The following RBMS3 variants were observed in gnomAD, a reference collection of about 807,000 sequenced individuals.
RBMS3 encodes RNA binding motif single stranded interacting protein 3.
In RBMS3, 27 loss-of-function variants were observed where a neutral mutation model predicts 66.8. The ratio of observed to expected loss-of-function variants is 0.40; its 90% CI spans 0.30 to 0.56. The LOEUF is 0.56. Among genes scored for constraint, RBMS3 ranks in the 20% least tolerant of loss-of-function variants. RBMS3 has a pLI of 0.40. For synonymous variants in RBMS3, 188 were observed against 183.0 expected (o/e 1.03, Z -0.22); for missense variants, 513 against 549.5 (o/e 0.93, Z 0.66).
intron 6 of RBMS3, among the ~76,000 whole-genome samples, chr3:29,798,153 A>G (rs2057261238): frequency 6.6e-6 from 1 of 151,430 alleles, no homozygotes; most frequent in Non-Finnish European, 1.5e-5. Flanking sequence ...ACATCAAAGA[A>G]TATAGATCAT....
At chr3:29,323,507 T>A (rs2035128746) in intron 1 of RBMS3, among the ~76,000 whole-genome samples, 1 of 152,130 alleles carries the variant, frequency 6.6e-6, no homozygotes. Context: ...TTATATTATT[T>A]TGATCTTTAT....
chr3:29,587,239 TTTTTTTTTTTG>T (rs1420415396), intron 4 of RBMS3, 34 bp downstream of exon 4: 1 of 831,702 alleles, frequency 1.2e-6, no homozygotes, highest in Non-Finnish European at 1.7e-6. Context: ...TTTTTTTTTT[TTTTTTTTTTTG>T]TGTGTGTGTG....
intron 2 of RBMS3, among the ~76,000 whole-genome samples, chr3:29,469,887 T>C (rs2125795122): frequency 6.7e-6 from 1 of 149,466 alleles, no homozygotes; most frequent in South Asian, 2.1e-4. Flanking sequence ...ACATCTTTTA[T>C]ATATTTATAA....
intron 3 of RBMS3, among the ~76,000 whole-genome samples, chr3:29,561,866 T>C (rs897926335): frequency 3.9e-5 from 6 of 152,226 alleles, no homozygotes; most frequent in Admixed American, 2.0e-4. Flanking sequence ...GCCACATGTA[T>C]TTCTTCTTTT....
chr3:29,750,102 G>T (rs1299315358), intron 5 of RBMS3, among the ~76,000 whole-genome samples: 2 of 152,132 alleles, frequency 1.3e-5, no homozygotes, highest in Non-Finnish European at 2.9e-5. Context: ...AATCATTTCA[G>T]TCCTCTATCA....
chr3:29,887,187 T>C (rs988259729), intron 8 of RBMS3, among the ~76,000 whole-genome samples: 1 of 151,682 alleles, frequency 6.6e-6, no homozygotes, highest in African/African-American at 2.4e-5. Flanking sequence ...CGACCGAAAC[T>C]GGATGTTATA....
chr3:29,991,190 T>A lies in RBMS3; in HGVS notation c.1288T>A (p.Tyr430Asn). 6.2e-7 allele frequency: 1 copy of A among 1,614,176 alleles called. No individual in the cohort carries two copies. Among genetic ancestry groups the A allele is most frequent in the Non-Finnish European group, 8.5e-7 (1 of 1,180,030 alleles). ...VDTSNEHAPA[Y>N]SYQQSKP ...CACATCCAACGAACATGCACCTGCA[T>A]ATTCTTACCAACAGTCTAAGTAAGT... The change falls in exon 14 of 15, where the codon TAT (tyrosine) becomes AAT (asparagine). Residue 430 changes from tyrosine to asparagine, a missense_variant. Transcript: ENST00000383767.
intron 6 of RBMS3, among the ~76,000 whole-genome samples, chr3:29,791,120 AT>A (rs2056995565): frequency 1.3e-5 from 2 of 152,100 alleles, no homozygotes; most frequent in African/African-American, 4.8e-5. Context: ...AAATCCATTT[AT>A]TTTTGTTTTT....
chr3:29,365,683 G>A (rs112893065), intron 1 of RBMS3, among the ~76,000 whole-genome samples: 18 of 152,064 alleles, frequency 1.2e-4, no homozygotes, highest in African/African-American at 4.1e-4. Flanking sequence ...TGGATGCAAT[G>A]TCCATTGCCC....
At chr3:29,667,258 A>C (rs2050804049) in intron 4 of RBMS3, among the ~76,000 whole-genome samples, 1 of 152,174 alleles carries the variant, frequency 6.6e-6, no homozygotes, top group South Asian at 2.1e-4. Flanking sequence ...TAGATTGGAA[A>C]ATATCCATTT....
chr3:29,899,834 T>A (rs2060212164), intron 10 of RBMS3, 79 bp downstream of exon 10: 2 of 1,408,726 alleles, frequency 1.4e-6, no homozygotes, highest in Non-Finnish European at 2.0e-6. Context: ...AGCTTTGGGG[T>A]AAAGCTTTTG....
Position 29,614,849 on chromosome 3 carries a change from C to G in RBMS3, c.399+27644C>G, listed in dbSNP as rs1057057497. 2.0e-5 allele frequency: 3 copies of G among 152,120 alleles called. 1 individual carries two copies. Among genetic ancestry groups the G allele is most frequent in the Non-Finnish European group, 4.4e-5 (3 of 67,998 alleles). 9.4% of individuals were successfully genotyped at this position (152,120 alleles called of 1,614,324 possible). ...AGATCTATTTTAAAGGGATCCTATT[C>G]TGTGAAAAATCAAAATGACTTGCAT... On this transcript the variant is annotated intron_variant, in intron 4 of 14. Coordinates refer to ENST00000383767, the MANE Select transcript of RBMS3 (RefSeq NM_001003793.3).
chr3:29,311,222 C>G (rs1168050155), intron 1 of RBMS3, among the ~76,000 whole-genome samples: 3 of 151,738 alleles, frequency 2.0e-5, no homozygotes, highest in Admixed American at 2.0e-4. Context: ...GTTAGGTTCT[C>G]TTATTATCTC....
At chr3:29,676,742 A>G (rs1367333294) in intron 4 of RBMS3, among the ~76,000 whole-genome samples, 2 of 152,178 alleles carry the variant, frequency 1.3e-5, no homozygotes, top group African/African-American at 4.8e-5. Flanking sequence ...ATATCTGTGC[A>G]TATTTTTAAA....
intron 4 of RBMS3, among the ~76,000 whole-genome samples, chr3:29,700,772 G>A (rs1428693895): frequency 6.6e-6 from 1 of 151,630 alleles, no homozygotes; most frequent in African/African-American, 2.4e-5. Context: ...AAGCTTAGAG[G>A]TTCAAAAAGG....
At chr3:29,508,942 A>G (rs1185443192) in intron 3 of RBMS3, among the ~76,000 whole-genome samples, 3 of 151,392 alleles carry the variant, frequency 2.0e-5, no homozygotes, top group East Asian at 3.9e-4. Context: ...GCATTTCTCT[A>G]ATGACCAGTG....
At chr3:29,809,702 G>T (rs1458392840) in intron 6 of RBMS3, among the ~76,000 whole-genome samples, 2 of 151,850 alleles carry the variant, frequency 1.3e-5, no homozygotes, top group African/African-American at 4.8e-5. Context: ...TAGGAATTAG[G>T]AGAAAGTACC....
intron 2 of RBMS3, among the ~76,000 whole-genome samples, chr3:29,472,009 G>C (rs1437309629): frequency 1.3e-5 from 2 of 151,834 alleles, no homozygotes; most frequent in East Asian, 3.9e-4. Context: ...AACATTGTTA[G>C]CTTCTGCCAT....
intron 6 of RBMS3, among the ~76,000 whole-genome samples, chr3:29,846,752 C>T (rs1361421001): frequency 1.3e-5 from 2 of 152,160 alleles, no homozygotes; most frequent in Non-Finnish European, 2.9e-5. Context: ...ATACATTTTA[C>T]TTCAGAGTCA....
Sources: allele counts gnomAD v4.1 joint callset (sites outside exome capture counted in the v4.1 genomes callset), GRCh38; gene constraint gnomAD v4.1.1; transcripts MANE v1.5; gene names NCBI Gene and HGNC (gene_info 2026-07-23, HGNC 2026-07-21).